The following ARAP2 variants were observed in gnomAD, a reference collection of about 807,000 sequenced individuals.
ARAP2 encodes the protein arf-GAP with Rho-GAP domain, ANK repeat and PH domain-containing protein 2.
In ARAP2, 148 loss-of-function variants were observed where a neutral mutation model predicts 194.5. That is an observed-to-expected ratio of 0.76 (90% CI 0.67 to 0.87). ARAP2 has a LOEUF of 0.87. ARAP2 is among the 40% of genes least tolerant of loss of function. The pLI, the probability that ARAP2 is intolerant of heterozygous loss-of-function variation, is 0.00. For missense variants in ARAP2, 2,128 were observed against 1,989.7 expected (o/e 1.07, Z -1.32); for synonymous variants, 695 against 683.5 (o/e 1.02, Z -0.26).
At chr4:36,180,272 C>A (rs574825312) in intron 8 of ARAP2, among the ~76,000 whole-genome samples, 54 of 152,110 alleles carry the variant, frequency 3.6e-4, no homozygotes, top group African/African-American at 1.3e-3. Flanking sequence ...AACTTCGTCC[C>A]CCCGCTCCCC....
intron 27 of ARAP2, among the ~76,000 whole-genome samples, chr4:36,097,436 G>A (rs905929691): frequency 7.2e-5 from 11 of 152,168 alleles, no homozygotes; most frequent in African/African-American, 1.4e-4. Flanking sequence ...AGCTACACAC[G>A]TTGGGGTACA....
rs898857512 is a variant in ARAP2 at position 36,128,755 on chromosome 4, A to T, written c.3428-10T>A. 3.9e-6 allele frequency: 4 copies of T among 1,027,896 alleles called. No individual in the cohort carries two copies. Among genetic ancestry groups the T allele is most frequent in the Non-Finnish European group, 4.9e-6 (4 of 809,352 alleles). The allele number at this position is 1,027,896 out of a possible 1,614,324, so 63.7% of individuals were successfully genotyped here. On this transcript the variant is annotated splice_polypyrimidine_tract_variant and intron_variant, in intron 20 of 32. Transcript: ENST00000303965. ...TATTTGCATCCTAAACCTTTGTTTA[A>T]AAAAAAAAAGTTATACTTTAAAAGT...
chr4:36,080,695 C>T (rs1577784441), intron 30 of ARAP2, among the ~76,000 whole-genome samples: 1 of 152,102 alleles, frequency 6.6e-6, no homozygotes, highest in African/African-American at 2.4e-5. Flanking sequence ...GAGACATAGT[C>T]TCCATCATTG....
intron 5 of ARAP2, among the ~76,000 whole-genome samples, chr4:36,029,704 T>C (rs1334815503): frequency 6.6e-6 from 1 of 152,012 alleles, no homozygotes; most frequent in Non-Finnish European, 1.5e-5. Context: ...TTCTTTTCTA[T>C]TTTTCTTTGT....
chr4:36,158,219 T>C (rs928818709), intron 15 of ARAP2, among the ~76,000 whole-genome samples: 28 of 152,234 alleles, frequency 1.8e-4, no homozygotes, highest in Admixed American at 3.3e-4. Flanking sequence ...ACCTAGAATA[T>C]ATTGTTAAAT....
intron 27 of ARAP2, among the ~76,000 whole-genome samples, chr4:36,098,678 A>C (rs1285759581): frequency 6.6e-6 from 1 of 152,042 alleles, no homozygotes; most frequent in African/African-American, 2.4e-5. Flanking sequence ...GGTATGACTC[A>C]AGTTAATCAC....
At chr4:36,039,061 A>T (rs567695316) in intron 5 of ARAP2, among the ~76,000 whole-genome samples, 4 of 152,132 alleles carry the variant, frequency 2.6e-5, no homozygotes, top group Non-Finnish European at 4.4e-5. Flanking sequence ...ACAAGGAAAA[A>T]TCAGGTGAAG....
chr4:36,095,673 C>T (rs894337404), intron 27 of ARAP2, among the ~76,000 whole-genome samples: 4 of 152,096 alleles, frequency 2.6e-5, no homozygotes, highest in African/African-American at 9.7e-5. Flanking sequence ...TTTTGTAACA[C>T]AAAAACATTT....
chr4:36,068,946 GGTTA>G (rs905993115), intron 32 of ARAP2, among the ~76,000 whole-genome samples: 8 of 152,158 alleles, frequency 5.3e-5, no homozygotes, highest in Non-Finnish European at 1.0e-4. Context: ...GTGTCTTTTG[GGTTA>G]GTTATTCAAA....
intron 6 of ARAP2, among the ~76,000 whole-genome samples, chr4:36,198,173 C>T (rs1177081954): frequency 1.3e-5 from 2 of 152,148 alleles, no homozygotes; most frequent in African/African-American, 4.8e-5. Context: ...CTCCTCTCTG[C>T]AGGCAGGTCA....
At chr4:36,165,697 C>A (rs1245120333) in intron 10 of ARAP2, among the ~76,000 whole-genome samples, 1 of 151,866 alleles carries the variant, frequency 6.6e-6, no homozygotes, top group Non-Finnish European at 1.5e-5. Flanking sequence ...CTGATTTATT[C>A]TGAATCTTAA....
chr4:36,139,003 T>C (rs1727540741), intron 19 of ARAP2, among the ~76,000 whole-genome samples: 1 of 151,742 alleles, frequency 6.6e-6, no homozygotes, highest in Admixed American at 6.6e-5. Flanking sequence ...TTTTGCTATT[T>C]TATTGGGTTT....
chr4:36,058,651 A>C (rs1043841461), intron 1 of ARAP2, among the ~76,000 whole-genome samples: 1 of 152,048 alleles, frequency 6.6e-6, no homozygotes, highest in African/African-American at 2.4e-5. Flanking sequence ...TTCTTCTTCA[A>C]GCTACTTCAT....
intron 27 of ARAP2, among the ~76,000 whole-genome samples, chr4:36,098,541 CCTGA>C (rs1715963689): frequency 6.6e-6 from 1 of 152,106 alleles, no homozygotes; most frequent in Non-Finnish European, 1.5e-5. Context: ...CACTCCTCTT[CCTGA>C]CTTTTAAAAC....
chr4:36,105,016 C>T (rs926357927), intron 27 of ARAP2, among the ~76,000 whole-genome samples: 59 of 151,942 alleles, frequency 3.9e-4, no homozygotes, highest in Non-Finnish European at 3.2e-4. Context: ...AGAGATGTGA[C>T]GTGGGTAAGA....
chr4:36,023,566 C>G (rs1022251826), intron 5 of ARAP2, among the ~76,000 whole-genome samples: 1 of 151,834 alleles, frequency 6.6e-6, no homozygotes, highest in African/African-American at 2.4e-5. Flanking sequence ...TTAGAGATGT[C>G]AACCAAATGT....
chr4:36,084,221 A>G (rs1730285984), intron 28 of ARAP2, among the ~76,000 whole-genome samples: 1 of 152,020 alleles, frequency 6.6e-6, no homozygotes, highest in African/African-American at 2.4e-5. Context: ...ATCCCTTCAT[A>G]TATACATCTA....
intron 15 of ARAP2, among the ~76,000 whole-genome samples, chr4:36,156,645 T>C (rs1732620745): frequency 6.6e-6 from 1 of 152,144 alleles, no homozygotes; most frequent in Non-Finnish European, 1.5e-5. Flanking sequence ...TGACTGTGGC[T>C]GGGAGGACTT....
At position 36,037,696 on chromosome 4, in the gene ARAP2, C is replaced by T. The variant is rs866768821; in HGVS notation, n.607+8283G>A. The stretch of plus-strand genomic sequence containing the variant: ...GAGGGGCTGGTATCATTGGTTGCCT[C>T]GTGGACTGTTTTTGGTTTTCTGTAT... On this transcript the variant is annotated intron_variant and non_coding_transcript_variant, in intron 5 of 12. Coordinates refer to the ARAP2 transcript ENST00000503225. 5.9e-5 allele frequency among the ~76,000 whole-genome samples: 9 copies of T among 152,146 alleles called. No homozygotes were observed. In the Middle Eastern group the frequency reaches 0.014, roughly 230 times the overall value.
Sources: allele counts gnomAD v4.1 joint callset (sites outside exome capture counted in the v4.1 genomes callset), GRCh38; gene constraint gnomAD v4.1.1; transcripts MANE v1.5; gene names NCBI Gene and HGNC (gene_info 2026-07-23, HGNC 2026-07-21).